Variants in ALG3 observed in about 807,000 individuals in gnomAD.
ALG3 encodes ALG3 alpha-1,3- mannosyltransferase, also known as dol-P-Man:Man(5)GlcNAc(2)-PP-Dol alpha-1,3-mannosyltransferase.
In ALG3, 39 loss-of-function variants were observed where a neutral mutation model predicts 50.5. The observed-to-expected ratio is 0.77, with a 90% CI of 0.60 to 1.01. The LOEUF is 1.01. Ranked by LOEUF, ALG3 falls within the 50% of genes least tolerant of loss-of-function variation. The pLI, the probability that ALG3 is intolerant of heterozygous loss-of-function variation, is 0.00. For synonymous variants in ALG3, 252 were observed against 237.2 expected, an observed-to-expected ratio of 1.06 and a Z score of -0.58; for missense variants, 520 against 554.8, an observed-to-expected ratio of 0.94 and a Z score of 0.63.
upstream of ALG3, chr3:184,249,507 A>G (rs1719407868): frequency 5.2e-6 from 4 of 768,120 alleles, no homozygotes; most frequent in East Asian, 5.4e-5. Flanking sequence ...CGGAGGATTC[A>G]GGGTCTGGAC....
chr3:184,245,740 T>C lies in ALG3; in HGVS notation c.269A>G (p.Gln90Arg). The change falls in exon 2 of 9, where the codon CAA becomes CGA. Residue 90 changes from glutamine to arginine, a missense_variant. This residue lies in a region of ALG3 where 290 missense variants were observed against 265.9 expected (regional missense o/e 1.09). Coordinates refer to ENST00000397676, the MANE Select transcript of ALG3 (RefSeq NM_005787.6). ...GVINGTYDYT[Q>R]LQGDTGPLVY... is the part of the protein sequence containing the mutation. ...AAGTGGTCCGGTGTCACCCTGCAGT[T>C]GGGTATAGTCATAGGTACCATTGAT... The C allele has an allele frequency of 6.2e-7, 1 of 1,613,692 alleles. No individual in the cohort carries two copies. The highest frequency in any genetic ancestry group is 8.5e-7 in the Non-Finnish European group (1 of 1,179,652).
At chr3:184,244,472 G>A (rs1719017805) in intron 5 of ALG3, 129 bp downstream of exon 5, 10 of 1,151,702 alleles carry the variant, frequency 8.7e-6, no homozygotes, top group Non-Finnish European at 1.2e-5. Context: ...TAGCGATAGT[G>A]GCTCCCTAGC....
rs201087932 is a variant in ALG3, at chr3:184,245,326, G to A, written c.477C>T (p.Cys159=). ...AGATGGAGTGGACACGGTAAGAGGCGCAGCACATGAAGAAAAAGACGAAGG... is the reference window on the plus strand; with the variant it reads ...AGATGGAGTGGACACGGTAAGAGGCACAGCACATGAAGAAAAAGACGAAGG... The part of the protein sequence containing the change: ...VPPFVFFFMC[C]ASYRVHSIFV... The change falls in exon 4 of 9, where the codon TGC becomes TGT. Residue 159 remains cysteine (C), a synonymous_variant. Transcript: ENST00000397676. 1.2e-4 allele frequency: 198 copies of A among 1,612,764 alleles called. No homozygotes were observed. The highest frequency in any genetic ancestry group is 6.0e-4 in the East Asian group (27 of 44,858).
chr3:184,243,659 A>T, intron 6 of ALG3, 29 bp from the exon 7 acceptor site: 1 of 1,613,072 alleles, frequency 6.2e-7, no homozygotes. Flanking sequence ...GACAGTTATC[A>T]AGCCCCTTTT....
At chr3:184,243,333 T>C in intron 7 of ALG3, 1 of 593,500 alleles carries the variant, frequency 1.7e-6, no homozygotes, top group South Asian at 2.1e-5. Context: ...TCTCTTATGA[T>C]AGTACCAGGG....
Position 184,242,885 on chromosome 3 carries a change from T to G in ALG3, c.1082A>C (p.Tyr361Ser), listed in dbSNP as rs747389321. 3.1e-6 allele frequency: 5 copies of G among 1,613,666 alleles called. No homozygotes were observed. Among genetic ancestry groups the G allele is most frequent in the Non-Finnish European group, 4.2e-6 (5 of 1,179,862 alleles). Residue 361 changes from tyrosine (Y) to serine (S), a missense_variant, in exon 8 of 9, where the codon TAC (tyrosine) becomes TCC (serine). Around this residue, in one of 3 missense-constraint regions of ALG3, gnomAD observed 224 missense variants for 272.8 expected, o/e 0.82. Coordinates refer to ENST00000397676, the MANE Select transcript of ALG3 (RefSeq NM_005787.6). ...GGGCAGTGTGTGGAAATACCAGACG[T>G]AGAACTGGTAGTGGAGGGAGCGGCT... ...CFSRSLHYQF[Y>S]VWYFHTLPYL...
chr3:184,244,820 C>T (rs1719040879), intron 4 of ALG3, 99 bp from the exon 5 acceptor site: 3 of 1,482,070 alleles, frequency 2.0e-6, no homozygotes, highest in Admixed American at 2.1e-5. Context: ...GCAACCTCCC[C>T]CCCGCCGCCA....
At chr3:184,244,539 C>T in intron 5 of ALG3, 62 bp downstream of exon 5, 2 of 1,557,556 alleles carry the variant, frequency 1.3e-6, no homozygotes, top group Non-Finnish European at 1.7e-6. Flanking sequence ...AGGGATAGAG[C>T]CCCTCAATCA....
intron 5 of ALG3, 195 bp downstream of exon 5, chr3:184,244,406 G>A: frequency 1.4e-6 from 1 of 692,190 alleles, no homozygotes; most frequent in Admixed American, 3.2e-5. Context: ...AAGCAAAAAG[G>A]CTCTCAGAGA....
intron 4 of ALG3, 97 bp downstream of exon 4, chr3:184,245,101 C>A: frequency 6.7e-7 from 1 of 1,485,732 alleles, no homozygotes; most frequent in Non-Finnish European, 9.2e-7. Flanking sequence ...GTGACCCATG[C>A]TGTCTTGGCT....
Position 184,245,572 on chromosome 3 carries a change from C to T in ALG3, c.340G>A (p.Ala114Thr). 1 of 1,613,720 alleles carries T rather than the reference C, an allele frequency of 6.2e-7. No homozygotes were observed. Among genetic ancestry groups the T allele is most frequent in the Non-Finnish European group, 8.5e-7 (1 of 1,179,776 alleles). Residue 114 changes from alanine (A) to threonine (T), a missense_variant, in exon 3 of 9, where the codon GCC (alanine) becomes ACC (threonine). Physicochemically the swap from Ala to Thr is moderately conservative, Grantham distance 58. Transcript: ENST00000397676. Reference sequence around the variant, plus strand: ...CGGATGTCAGTGCCTCGGCTGGTGGCATAGTACAACCCCATAAAGATGTAC... The same window carrying T: ...CGGATGTCAGTGCCTCGGCTGGTGGTATAGTACAACCCCATAAAGATGTAC... ...FVYIFMGLYY[A>T]TSRGTDIRMA...
chr3:184,248,521 G>C (rs565091142), intron 1 of ALG3, among the ~76,000 whole-genome samples: 1 of 152,326 alleles, frequency 6.6e-6, no homozygotes, highest in South Asian at 2.1e-4. Context: ...TGTAAGTTCA[G>C]TGCAGAAGGC....
intron 7 of ALG3, 27 bp from the exon 8 acceptor site, chr3:184,242,984 G>A (rs1330995768): frequency 1.2e-6 from 2 of 1,611,346 alleles, no homozygotes; most frequent in Non-Finnish European, 8.5e-7. Context: ...GCCAAGGGCA[G>A]GAGTGTGTGT....
intron 5 of ALG3, chr3:184,244,272 G>A: frequency 1.9e-6 from 1 of 536,856 alleles, no homozygotes; most frequent in Non-Finnish European, 3.3e-6. Context: ...AGCCAGGCAG[G>A]GTGGCTCATG....
chr3:184,245,145 A>C lies in ALG3; in HGVS notation c.605+53T>G, dbSNP rs182375566. On this transcript the variant is annotated intron_variant, in intron 4 of 8. Coordinates refer to ENST00000397676, the MANE Select transcript of ALG3 (RefSeq NM_005787.6). ...ACTCCCTCTGCTGCAGGAAATTGGG[A>C]AGAGATGGAAATGCAGAAAACGAGA... 105 of 1,604,822 alleles carry C rather than the reference A, an allele frequency of 6.5e-5. No homozygotes were observed. In the African/African-American group the frequency reaches 1.3e-3, roughly 20 times the overall value.
intron 1 of ALG3, among the ~76,000 whole-genome samples, chr3:184,247,828 G>A (rs1211803169): frequency 6.6e-6 from 1 of 151,672 alleles, no homozygotes; most frequent in Non-Finnish European, 1.5e-5. Flanking sequence ...GTCCAGGCCC[G>A]AGTTAGAAAT....
rs1718828857 is a variant in ALG3, at chr3:184,242,387, A to T, written c.*127T>A. ...GTGTCCCTCACAGCCTGGACCAGGC[A>T]TCGGCTGCCCCCACCTCCATGTAGG... is the stretch of plus-strand genomic sequence containing the variant. On this transcript the variant is annotated 3_prime_UTR_variant, in exon 9 of 9. Coordinates refer to ENST00000397676, the MANE Select transcript of ALG3 (RefSeq NM_005787.6). The T allele has an allele frequency of 1.7e-6, 2 of 1,208,778 alleles. No homozygotes were observed. Among genetic ancestry groups the T allele is most frequent in the Non-Finnish European group, 2.4e-6 (2 of 838,152 alleles). 74.9% of individuals were successfully genotyped at this position (1,208,778 alleles called of 1,614,324 possible). A position where few individuals can be genotyped will look rare whatever the true frequency, so the allele number is the denominator to read the frequency against.
intron 7 of ALG3, chr3:184,243,215 C>T: frequency 1.7e-6 from 1 of 579,848 alleles, no homozygotes; most frequent in East Asian, 2.9e-5. Flanking sequence ...AGTTACTTAA[C>T]CTCATGAAGT....
chr3:184,244,753 A>G (rs763675703), intron 4 of ALG3, 32 bp from the exon 5 acceptor site: 19 of 1,599,706 alleles, frequency 1.2e-5, no homozygotes, highest in Non-Finnish European at 1.5e-5. Flanking sequence ...AAGGGTGGAG[A>G]TCAGCTCCAG....
Sources: allele counts gnomAD v4.1 joint callset (sites outside exome capture counted in the v4.1 genomes callset), GRCh38; gene constraint gnomAD v4.1.1; regional missense constraint gnomAD v4.1.1; transcripts MANE v1.5; gene names NCBI Gene and HGNC (gene_info 2026-07-23, HGNC 2026-07-21).